AFF2: variants seen among roughly 807,000 people sequenced by gnomAD.
The protein encoded by AFF2 is AF4/FMR2 family member 2.
In AFF2, 14 loss-of-function variants were observed where a neutral mutation model predicts 76.9. The observed-to-expected ratio is 0.18, with a 90% CI of 0.12 to 0.28. The LOEUF (loss-of-function observed/expected upper bound fraction) is 0.28. Ranked by LOEUF, AFF2 falls within the 10% of genes least tolerant of loss-of-function variation. The pLI, the probability that AFF2 is intolerant of heterozygous loss-of-function variation, is 1.00. For missense variants in AFF2, 868 were observed against 1,001.1 expected (o/e 0.87, Z 1.79); for synonymous variants, 398 against 366.7 (o/e 1.09, Z -0.98).
chrX:148,783,400 C>G (rs2069769908), intron 3 of AFF2, among the ~76,000 whole-genome samples: 1 of 111,094 alleles, frequency 9.0e-6, no homozygotes, highest in Admixed American at 9.6e-5. Context: ...CATAGCAAAT[C>G]AGAAATGAAG....
At chrX:148,703,143 G>T (rs991725634) in intron 3 of AFF2, among the ~76,000 whole-genome samples, 4 of 111,873 alleles carry the variant, frequency 3.6e-5, no homozygotes, top group South Asian at 3.7e-4. Context: ...AAGGCATTTA[G>T]ACCTCTCTAT....
chrX:148,824,060 C>CCTCTCTCTCT (rs60032031), intron 4 of AFF2, among the ~76,000 whole-genome samples: 4,825 of 96,583 alleles, frequency 0.05, 367 homozygotes, highest in African/African-American at 0.18. Flanking sequence ...ATATTTGCTT[C>CCTCTCTCTCT]CTCTCTCTCT....
rs1377908933 is a variant in AFF2 at position 148,996,085 on chromosome X, C to T, written c.*4753C>T. The T allele has an allele frequency of 8.9e-6, 1 of 112,730 alleles. No homozygotes were observed. The highest frequency in any genetic ancestry group is 1.9e-5 in the Non-Finnish European group (1 of 53,383). The allele number at this position is 112,730 out of a possible 1,213,427, so 9.3% of individuals were successfully genotyped here. A position where few individuals can be genotyped will look rare whatever the true frequency, so the allele number is the denominator to read the frequency against. On this transcript the variant is annotated 3_prime_UTR_variant, in exon 21 of 21. Transcript: ENST00000370460. Reference sequence around the variant, plus strand: ...ATCACTCATGTGGCTACGAAAGTGTCTCTGAGAATAGAGCCCAATGTGGTG... The same window carrying T: ...ATCACTCATGTGGCTACGAAAGTGTTTCTGAGAATAGAGCCCAATGTGGTG...
rs192648205 is a variant in AFF2 at position 148,535,695 on chromosome X, C to T, written c.47+34551C>T. Among the ~76,000 whole-genome samples, 94 of 111,962 alleles carry T rather than the reference C, an allele frequency of 8.4e-4. 1 individual carries two copies. In the East Asian group the frequency reaches 0.021, roughly 24 times the overall value. On this transcript the variant is annotated intron_variant, in intron 1 of 20. Coordinates refer to ENST00000370460, the MANE Select transcript of AFF2 (RefSeq NM_002025.4). ...TGTATAGAAGATTGGTGGGCCTACTCACTTTCCCCATGGCTATAGCCTTAG... is the reference window on the plus strand; with the variant it reads ...TGTATAGAAGATTGGTGGGCCTACTTACTTTCCCCATGGCTATAGCCTTAG...
intron 1 of AFF2, among the ~76,000 whole-genome samples, chrX:148,627,222 C>T (rs113667474): frequency 0.014 from 1,581 of 111,866 alleles, 27 homozygotes; most frequent in African/African-American, 0.049. Flanking sequence ...TTTCTGAAAA[C>T]AAAAACAAAA....
chrX:148,722,900 C>G (rs1310738570), intron 3 of AFF2, among the ~76,000 whole-genome samples: 1 of 110,801 alleles, frequency 9.0e-6, no homozygotes, highest in Non-Finnish European at 1.9e-5. Context: ...ATCTTGCTAG[C>G]TCTTTCTCAA....
chrX:148,509,450 G>A (rs1355686623), intron 1 of AFF2, among the ~76,000 whole-genome samples: 1 of 111,910 alleles, frequency 8.9e-6, no homozygotes, highest in Non-Finnish European at 1.9e-5. Context: ...CTGTGTGAAT[G>A]GAGTATTCTC....
chrX:148,617,035 C>T (rs1397157916), intron 1 of AFF2, among the ~76,000 whole-genome samples: 18 of 111,408 alleles, frequency 1.6e-4, no homozygotes, highest in Admixed American at 9.5e-5. Context: ...AATAAACATA[C>T]GTGTGCATGT....
rs146346555 is a variant in AFF2, at chrX:148,632,633, A to G, written c.48-19366A>G. Among the ~76,000 whole-genome samples the G allele has an allele frequency of 9.8e-5, 11 of 111,980 alleles. No individual in the cohort carries two copies. In the East Asian group the frequency reaches 2.8e-3, roughly 29 times the overall value. On this transcript the variant is annotated intron_variant, in intron 1 of 20. Transcript: ENST00000370460. ...AGCTGGCTTGTACATGACACCTTCT[A>G]CTAGGTTGGATGATAATGTAGTCAG...
chrX:148,655,885 C>G (rs782243472), intron 2 of AFF2, among the ~76,000 whole-genome samples: 1 of 111,516 alleles, frequency 9.0e-6, no homozygotes, highest in South Asian at 3.8e-4. Flanking sequence ...CACAGCTCTT[C>G]CCTAAGATAG....
chrX:148,820,302 G>A (rs1258751090), intron 4 of AFF2, among the ~76,000 whole-genome samples: 1 of 111,407 alleles, frequency 9.0e-6, no homozygotes, highest in African/African-American at 3.3e-5. Context: ...TATTTTTAGA[G>A]GGACACTGGT....
At chrX:148,894,892 G>C (rs11117556) in intron 8 of AFF2, among the ~76,000 whole-genome samples, 1 of 109,583 alleles carries the variant, frequency 9.1e-6, no homozygotes, top group African/African-American at 3.4e-5. Flanking sequence ...ATGTGAGATA[G>C]ATAGATATAT....
At chrX:148,804,699 T>C (rs1557271174) in intron 3 of AFF2, among the ~76,000 whole-genome samples, 1 of 112,634 alleles carries the variant, frequency 8.9e-6, no homozygotes, top group African/African-American at 3.2e-5. Flanking sequence ...GCTGGTTAGC[T>C]GGACCATGTA....
At chrX:148,979,979 T>A (rs1251872293) in intron 18 of AFF2, among the ~76,000 whole-genome samples, 1 of 111,543 alleles carries the variant, frequency 9.0e-6, no homozygotes, top group Non-Finnish European at 1.9e-5. Context: ...GTGCCATGAG[T>A]GTGAGTTGTG....
chrX:148,985,627 G>C (rs1557291443), intron 19 of AFF2, among the ~76,000 whole-genome samples: 1 of 110,786 alleles, frequency 9.0e-6, no homozygotes, highest in Non-Finnish European at 1.9e-5. Flanking sequence ...CCACAACAAA[G>C]AAACCCAGCT....
chrX:148,971,946 C>T (rs1358269045), intron 15 of AFF2, among the ~76,000 whole-genome samples: 2 of 23,922 alleles, frequency 8.4e-5, no homozygotes, highest in Non-Finnish European at 1.5e-4. Flanking sequence ...ACCACAGTCC[C>T]CAGAGTGTGA....
intron 3 of AFF2, among the ~76,000 whole-genome samples, chrX:148,683,397 C>T (rs904003242): frequency 5.4e-5 from 6 of 111,759 alleles, no homozygotes; most frequent in Admixed American, 1.9e-4. Flanking sequence ...TATCAGTCTA[C>T]GTAGTACTCA....
chrX:148,811,611 T>G (rs1482473767), intron 4 of AFF2, among the ~76,000 whole-genome samples: 1 of 112,366 alleles, frequency 8.9e-6, no homozygotes, highest in Admixed American at 9.4e-5. Flanking sequence ...GTCACAAGCA[T>G]AAATAAACTC....
At chrX:148,949,801 G>A (rs2071944105) in intron 9 of AFF2, among the ~76,000 whole-genome samples, 2 of 112,320 alleles carry the variant, frequency 1.8e-5, no homozygotes, top group African/African-American at 6.5e-5. Context: ...GTAATCACTA[G>A]CATTCTTTTT....
Sources: gnomAD v4.1 joint callset for allele counts (sites outside exome capture counted in the v4.1 genomes callset) on GRCh38, gnomAD v4.1.1 for gene constraint, MANE v1.5 for transcripts, NCBI Gene and HGNC (gene_info 2026-07-23, HGNC 2026-07-21) for gene names.